The following ST6GALNAC3 variants were observed in gnomAD, a reference collection of about 807,000 sequenced individuals.
The protein encoded by ST6GALNAC3 is ST6 N-acetylgalactosaminide alpha-2,6-sialyltransferase 3.
In ST6GALNAC3, 25 loss-of-function variants were observed where a neutral mutation model predicts 32.7. The ratio of observed to expected loss-of-function variants is 0.76; its 90% CI spans 0.56 to 1.07. The LOEUF is 1.07. Ranked by LOEUF, ST6GALNAC3 falls within the 50% of genes least tolerant of loss-of-function variation. The probability of loss-of-function intolerance (pLI) is 0.00; values close to 1 mark genes in which losing one functional copy is unlikely to be tolerated. For synonymous variants in ST6GALNAC3, 129 were observed against 133.1 expected (o/e 0.97, Z 0.21); for missense variants, 355 against 382.4 (o/e 0.93, Z 0.60).
intron 2 of ST6GALNAC3, among the ~76,000 whole-genome samples, chr1:76,396,772 G>T (rs1040732747): frequency 2.0e-5 from 3 of 152,166 alleles, no homozygotes; most frequent in Admixed American, 6.5e-5. Context: ...TACTAAGAAA[G>T]TTCCGTAAGT....
At chr1:76,463,913 C>T (rs761983408) in intron 3 of ST6GALNAC3, among the ~76,000 whole-genome samples, 3 of 152,108 alleles carry the variant, frequency 2.0e-5, no homozygotes, top group Non-Finnish European at 4.4e-5. Flanking sequence ...CATATGTGTT[C>T]TCCCGGCTCC....
chr1:76,546,756 A>G (rs1001354975), intron 3 of ST6GALNAC3, among the ~76,000 whole-genome samples: 1 of 152,232 alleles, frequency 6.6e-6, no homozygotes, highest in African/African-American at 2.4e-5. Flanking sequence ...GCAGGATGAA[A>G]GAGAAGTCCA....
intron 3 of ST6GALNAC3, among the ~76,000 whole-genome samples, chr1:76,523,651 T>C (rs1030441204): frequency 2.6e-5 from 4 of 152,192 alleles, no homozygotes; most frequent in Non-Finnish European, 5.9e-5. Context: ...CTTCATTCAC[T>C]AGCTCATTCA....
chr1:76,505,994 A>G (rs1661458438), intron 3 of ST6GALNAC3, among the ~76,000 whole-genome samples: 1 of 152,156 alleles, frequency 6.6e-6, no homozygotes, highest in African/African-American at 2.4e-5. Context: ...CTACCTTGAG[A>G]CATAATCATT....
intron 3 of ST6GALNAC3, among the ~76,000 whole-genome samples, chr1:76,425,390 G>A (rs996539217): frequency 6.6e-6 from 1 of 151,866 alleles, no homozygotes; most frequent in African/African-American, 2.4e-5. Context: ...GCCCTCACCC[G>A]CGTACACTCA....
intron 3 of ST6GALNAC3, among the ~76,000 whole-genome samples, chr1:76,441,281 G>A (rs1042176645): frequency 1.3e-5 from 2 of 151,848 alleles, no homozygotes; most frequent in East Asian, 1.9e-4. Flanking sequence ...CTTATGTAAC[G>A]TGTAGTTTAT....
intron 1 of ST6GALNAC3, among the ~76,000 whole-genome samples, chr1:76,105,280 T>C (rs1647443810): frequency 6.6e-6 from 1 of 152,198 alleles, no homozygotes; most frequent in African/African-American, 2.4e-5. Flanking sequence ...ATATCTCAAC[T>C]CACAGCCATC....
chr1:76,559,779 C>T (rs1665140240), intron 3 of ST6GALNAC3, among the ~76,000 whole-genome samples: 2 of 152,074 alleles, frequency 1.3e-5, no homozygotes. Context: ...GGAAAAACAG[C>T]CTTGAATTGC....
chr1:76,561,218 G>A (rs1461675594), intron 3 of ST6GALNAC3, among the ~76,000 whole-genome samples: 4 of 152,096 alleles, frequency 2.6e-5, no homozygotes, highest in Admixed American at 2.6e-4. Context: ...ATAGTGGGAG[G>A]GTTGTGGGGA....
intron 1 of ST6GALNAC3, among the ~76,000 whole-genome samples, chr1:76,107,851 C>T (rs1267278398): frequency 6.6e-6 from 1 of 152,142 alleles, no homozygotes; most frequent in Non-Finnish European, 1.5e-5. Flanking sequence ...TTTTTTGGCC[C>T]ATTTTTGCTC....
At chr1:76,394,813 C>T (rs1046091509) in intron 2 of ST6GALNAC3, among the ~76,000 whole-genome samples, 4 of 151,984 alleles carry the variant, frequency 2.6e-5, no homozygotes, top group Non-Finnish European at 5.9e-5. Flanking sequence ...CAGATAGGAG[C>T]CCTGGTGTGA....
chr1:76,386,349 A>G (rs1248103796), intron 2 of ST6GALNAC3, among the ~76,000 whole-genome samples: 1 of 152,136 alleles, frequency 6.6e-6, no homozygotes, highest in Non-Finnish European at 1.5e-5. Flanking sequence ...AATCATAGGA[A>G]CCCCACAGGG....
intron 3 of ST6GALNAC3, among the ~76,000 whole-genome samples, chr1:76,438,017 A>G (rs1446131073): frequency 1.3e-5 from 2 of 152,152 alleles, no homozygotes; most frequent in African/African-American, 4.8e-5. Flanking sequence ...AAGTATTTTG[A>G]AAATTAACGT....
At position 76,185,738 on chromosome 1, in the gene ST6GALNAC3, C is replaced by T. The variant is rs116851401; in HGVS notation, c.18+110854C>T. On this transcript the variant is annotated intron_variant, in intron 1 of 4. Coordinates refer to ENST00000328299, the MANE Select transcript of ST6GALNAC3 (RefSeq NM_152996.4). ...GAACAGACCAGACATGGTCCCTGCC[C>T]TCTTGGAGGAACACAACTGCTCTGT... 7.1e-3 allele frequency among the ~76,000 whole-genome samples: 1,086 copies of T among 152,280 alleles called. 30 individuals carry two copies. The highest frequency in any genetic ancestry group is 0.058 in the Admixed American group (892 of 15,300).
intron 2 of ST6GALNAC3, among the ~76,000 whole-genome samples, chr1:76,355,979 T>C (rs937487342): frequency 6.6e-6 from 1 of 152,152 alleles, no homozygotes; most frequent in Non-Finnish European, 1.5e-5. Flanking sequence ...AATAATATAT[T>C]ATGGAGCAAA....
chr1:76,280,479 A>G (rs1170512866), intron 1 of ST6GALNAC3, among the ~76,000 whole-genome samples: 1 of 152,192 alleles, frequency 6.6e-6, no homozygotes, highest in Non-Finnish European at 1.5e-5. Context: ...ATGTGCCGCT[A>G]GGGAAGCTAA....
intron 1 of ST6GALNAC3, among the ~76,000 whole-genome samples, chr1:76,214,394 C>T (rs1370706367): frequency 6.6e-6 from 1 of 151,658 alleles, no homozygotes; most frequent in Non-Finnish European, 1.5e-5. Context: ...TCAAAGCAAC[C>T]TCTTGAAAAA....
rs113514460 is a variant in ST6GALNAC3 at position 76,222,845 on chromosome 1, A to T, written c.19-90960A>T. Among the ~76,000 whole-genome samples the T allele has an allele frequency of 5.4e-3, 823 of 152,244 alleles. 10 individuals are homozygous for T. The highest frequency in any genetic ancestry group is 0.019 in the African/African-American group (783 of 41,542). Reference sequence around the variant, plus strand: ...ATTAGAGAATGCCAATCAAAACCACAATGAGATACCATCTTGTACCAGTCA... The same window carrying T: ...ATTAGAGAATGCCAATCAAAACCACTATGAGATACCATCTTGTACCAGTCA... On this transcript the variant is annotated intron_variant, in intron 1 of 4. Coordinates refer to ENST00000328299, the MANE Select transcript of ST6GALNAC3 (RefSeq NM_152996.4).
At chr1:76,215,129 A>ATG in intron 1 of ST6GALNAC3, among the ~76,000 whole-genome samples, 1 of 152,330 alleles carries the variant, frequency 6.6e-6, no homozygotes, top group South Asian at 2.1e-4. Flanking sequence ...TATACTGATT[A>ATG]AATTTGTGGA....
Sources: allele counts gnomAD v4.1 joint callset (sites outside exome capture counted in the v4.1 genomes callset), GRCh38; gene constraint gnomAD v4.1.1; transcripts MANE v1.5; gene names NCBI Gene and HGNC (gene_info 2026-07-23, HGNC 2026-07-21).